The following NEK7 variants were observed in gnomAD, a reference collection of about 807,000 sequenced individuals.
NEK7 encodes NIMA related kinase 7, also known as serine/threonine-protein kinase Nek7.
In NEK7, 18 loss-of-function variants were observed where a neutral mutation model predicts 44.6. The ratio of observed to expected loss-of-function variants is 0.40; its 90% confidence interval spans 0.28 to 0.60. NEK7 has a LOEUF of 0.60. NEK7 is among the 20% of genes least tolerant of loss of function. The pLI is 0.38. For missense variants in NEK7, 256 were observed against 366.5 expected, an observed-to-expected ratio of 0.70 and a Z score of 2.46; for synonymous variants, 130 against 121.1, an observed-to-expected ratio of 1.07 and a Z score of -0.48.
intron 1 of NEK7, among the ~76,000 whole-genome samples, chr1:198,168,345 G>T (rs1664330927): frequency 6.6e-6 from 1 of 152,206 alleles, no homozygotes; most frequent in Admixed American, 6.5e-5. Flanking sequence ...AAAATGTTGA[G>T]ACTTTTGTCT....
At chr1:198,312,525 G>C (rs1455378248) in intron 9 of NEK7, among the ~76,000 whole-genome samples, 4 of 151,962 alleles carry the variant, frequency 2.6e-5, no homozygotes. Flanking sequence ...TTTTAATTGT[G>C]ATGTTAGGGT....
chr1:198,265,038 G>A (rs765550838), intron 5 of NEK7, among the ~76,000 whole-genome samples: 5 of 151,914 alleles, frequency 3.3e-5, no homozygotes, highest in Non-Finnish European at 7.4e-5. Context: ...AAAAGTCTGG[G>A]GCTAGTATGG....
At chr1:198,184,181 C>T (rs1211859048) in intron 1 of NEK7, among the ~76,000 whole-genome samples, 2 of 152,144 alleles carry the variant, frequency 1.3e-5, no homozygotes, top group East Asian at 3.8e-4. Context: ...TAGCTACCCT[C>T]GTAGTATGCA....
chr1:198,254,119 A>G (rs539908497), intron 3 of NEK7, among the ~76,000 whole-genome samples: 2 of 152,186 alleles, frequency 1.3e-5, no homozygotes, highest in East Asian at 3.9e-4. Context: ...GTGACAGCCA[A>G]TATAGAGATG....
intron 8 of NEK7, among the ~76,000 whole-genome samples, chr1:198,294,774 T>A (rs1654661273): frequency 6.6e-6 from 1 of 152,164 alleles, no homozygotes; most frequent in Non-Finnish European, 1.5e-5. Flanking sequence ...TGATTTTGAG[T>A]TAAAGTATTA....
At chr1:198,294,783 T>C (rs1214498124) in intron 8 of NEK7, among the ~76,000 whole-genome samples, 1 of 152,188 alleles carries the variant, frequency 6.6e-6, no homozygotes, top group African/African-American at 2.4e-5. Flanking sequence ...GTTAAAGTAT[T>C]ATCATGCTAA....
intron 1 of NEK7, among the ~76,000 whole-genome samples, chr1:198,184,178 C>G (rs546435017): frequency 6.6e-6 from 1 of 152,148 alleles, no homozygotes; most frequent in African/African-American, 2.4e-5. Flanking sequence ...TATTAGCTAC[C>G]CTCGTAGTAT....
At chr1:198,195,850 C>G (rs1571520650) in intron 1 of NEK7, among the ~76,000 whole-genome samples, 1 of 151,180 alleles carries the variant, frequency 6.6e-6, no homozygotes, top group East Asian at 1.9e-4. Flanking sequence ...ATATGCACTA[C>G]TATTTTAAAT....
At chr1:198,305,629 G>C (rs1044257662) in intron 9 of NEK7, among the ~76,000 whole-genome samples, 1 of 152,096 alleles carries the variant, frequency 6.6e-6, no homozygotes, top group Non-Finnish European at 1.5e-5. Flanking sequence ...TCATGAGTCA[G>C]ATTAGAAATA....
intron 1 of NEK7, among the ~76,000 whole-genome samples, chr1:198,167,180 C>T (rs1664292667): frequency 1.3e-5 from 2 of 152,186 alleles, no homozygotes; most frequent in Non-Finnish European, 2.9e-5. Flanking sequence ...ACTCCATTCT[C>T]TGCCTCTGAC....
At chr1:198,204,812 A>T (rs572739463) in intron 1 of NEK7, among the ~76,000 whole-genome samples, 1 of 152,084 alleles carries the variant, frequency 6.6e-6, no homozygotes, top group East Asian at 1.9e-4. Context: ...GGAATAAAAC[A>T]CATTTTATAT....
At chr1:198,170,960 T>C (rs1001830552) in intron 1 of NEK7, among the ~76,000 whole-genome samples, 4 of 152,230 alleles carry the variant, frequency 2.6e-5, no homozygotes, top group African/African-American at 9.6e-5. Flanking sequence ...AGATGGAATC[T>C]TGCTGTGTTG....
At chr1:198,225,650 T>C (rs1047380572) in intron 1 of NEK7, among the ~76,000 whole-genome samples, 3 of 152,334 alleles carry the variant, frequency 2.0e-5, no homozygotes, top group African/African-American at 7.2e-5. Context: ...AATCTTTTGC[T>C]ACTAACTCCC....
At chr1:198,254,791 A>G (rs1435268642) in intron 3 of NEK7, among the ~76,000 whole-genome samples, 3 of 152,160 alleles carry the variant, frequency 2.0e-5, no homozygotes, top group African/African-American at 7.2e-5. Flanking sequence ...AGCAGCATAT[A>G]AGAATTGCAG....
intron 1 of NEK7, among the ~76,000 whole-genome samples, chr1:198,200,845 C>T (rs1023603458): frequency 6.6e-6 from 1 of 152,224 alleles, no homozygotes; most frequent in Non-Finnish European, 1.5e-5. Flanking sequence ...GCCACTGTGC[C>T]AGGCCCTTTG....
chr1:198,296,376 GC>G (rs780516573), intron 8 of NEK7, among the ~76,000 whole-genome samples: 91 of 152,132 alleles, frequency 6.0e-4, no homozygotes, highest in Non-Finnish European at 1.1e-3. Flanking sequence ...CACAGTACTT[GC>G]TTGCACTTTA....
intron 2 of NEK7, among the ~76,000 whole-genome samples, chr1:198,244,282 T>G (rs1390403563): frequency 1.3e-5 from 2 of 152,180 alleles, no homozygotes; most frequent in East Asian, 3.8e-4. Context: ...GAATTATCAG[T>G]ACATAATTTT....
rs531843246 is a variant in NEK7, at chr1:198,243,525, C to T, written c.58-9515C>T. On this transcript the variant is annotated intron_variant, in intron 2 of 9. Coordinates refer to ENST00000367385, the MANE Select transcript of NEK7 (RefSeq NM_133494.3). ...TTTGACGTTAATTAATTATCTTGCT[C>T]ATGATAACATAGGAGAGATAATCAG... is the stretch of plus-strand genomic sequence containing the variant. Among the ~76,000 whole-genome samples the T allele has an allele frequency of 5.9e-5, 9 of 152,250 alleles. No homozygotes were observed. The East Asian group carries it at 1.2e-3, about 20-fold the overall frequency.
intron 7 of NEK7, among the ~76,000 whole-genome samples, chr1:198,281,319 A>C (rs1048057197): frequency 1.3e-5 from 2 of 152,102 alleles, no homozygotes; most frequent in Non-Finnish European, 2.9e-5. Flanking sequence ...CTGAAAAGTA[A>C]TTGAAAACGT....
Sources: gnomAD v4.1 joint callset for allele counts (sites outside exome capture counted in the v4.1 genomes callset) on GRCh38, gnomAD v4.1.1 for gene constraint, MANE v1.5 for transcripts, NCBI Gene and HGNC (gene_info 2026-07-23, HGNC 2026-07-21) for gene names.